The following HDAC7 variants were observed in gnomAD, a reference collection of about 807,000 sequenced individuals.
HDAC7 encodes histone deacetylase 7A.
Under a neutral mutation model 115.5 loss-of-function variants are expected in HDAC7, and 26 were observed. That is an observed-to-expected ratio of 0.23 (90% confidence interval 0.16 to 0.31). HDAC7 has a LOEUF of 0.31. Among genes scored for constraint, HDAC7 ranks in the 10% least tolerant of loss-of-function variants. HDAC7 has a pLI of 1.00. For synonymous variants in HDAC7, 564 were observed against 550.9 expected, an observed-to-expected ratio of 1.02 and a Z score of -0.33; for missense variants, 1,068 against 1,329.0, an observed-to-expected ratio of 0.80 and a Z score of 3.05.
intron 16 of HDAC7, 75 bp from the exon 17 acceptor site, chr12:47,789,995 A>C (rs1592638788): frequency 8.8e-7 from 1 of 1,141,700 alleles, no homozygotes; most frequent in Non-Finnish European, 1.3e-6. Flanking sequence ...GGTGGTCCCC[A>C]CCCCACGGCC....
intron 1 of HDAC7, among the ~76,000 whole-genome samples, chr12:47,816,891 G>A (rs1394098254): frequency 6.6e-6 from 1 of 152,196 alleles, no homozygotes; most frequent in Admixed American, 6.5e-5. Flanking sequence ...AGACGCCAAA[G>A]GGCCTTCCCC....
Position 47,798,137 on chromosome 12 carries a change from G to A in HDAC7, c.432C>T (p.Val144=), listed in dbSNP as rs775042503. The change falls in exon 5 of 26, where the codon GTC becomes GTT. Residue 144 remains valine, a synonymous_variant. Coordinates refer to ENST00000080059, the MANE Select transcript of HDAC7 (RefSeq NM_015401.5). This position sits in a 1 kb window ranked among gnomAD's most constrained non-coding sequence, Gnocchi z 4.3. ...AGGGAATGCCGGGGCTGTTGGGATG[G>A]ACTGTTCTTTCTAGGGCCGCCTGCT... is the stretch of plus-strand genomic sequence containing the variant. The part of the protein sequence containing the change: ...KKQQAALERT[V]HPNSPGIPYR... The A allele has an allele frequency of 8.1e-6, 13 of 1,613,726 alleles. No homozygotes were observed. The South Asian group carries it at 1.4e-4, about 18-fold the overall frequency.
In HDAC7 at chr12:47,791,674, C is replaced by T. The variant is rs753934459; in HGVS notation, c.1845G>A (p.Glu615=). 6.2e-7 allele frequency: 1 copy of T among 1,613,772 alleles called. No individual in the cohort carries two copies. Among genetic ancestry groups the T allele is most frequent in the Admixed American group, 1.7e-5 (1 of 59,996 alleles). ...CLRGRKASLE[E]LQSVHSERHV... ...GCCGCTCAGAGTGGACCGACTGCAG[C>T]TCTTCCAGGGAGGCCTTCCGGCCTC... is the stretch of plus-strand genomic sequence containing the variant. Residue 615 remains glutamate, a synonymous_variant, in exon 15 of 26, where the codon GAG becomes GAA. Coordinates refer to ENST00000080059, the MANE Select transcript of HDAC7 (RefSeq NM_015401.5).
At chr12:47,786,369 C>T (rs529436941) in intron 22 of HDAC7, among the ~76,000 whole-genome samples, 2 of 152,342 alleles carry the variant, frequency 1.3e-5, no homozygotes, top group East Asian at 3.9e-4. Context: ...TCAAGCCCTC[C>T]GTGGTGAACC....
chr12:47,785,161 C>T (rs781714726), intron 24 of HDAC7: 1 of 551,726 alleles, frequency 1.8e-6, no homozygotes. Context: ...CCTTGAGGGG[C>T]CACTGTCTGG....
chr12:47,819,765 A>T lies in HDAC7; in HGVS notation c.19+2T>A. On this transcript the variant is annotated splice_donor_variant, in intron 1 of 25. Transcript: ENST00000080059. LOFTEE classifies it high-confidence loss of function. The stretch of plus-strand genomic sequence containing the variant: ...GGCGGGGGGCGGCCGCCCAGTACTC[A>T]CCAGCGCCGGGGCTGTGCATCCAGG... The T allele has an allele frequency of 1.2e-6, 1 of 834,538 alleles. No homozygotes were observed. The highest frequency in any genetic ancestry group is 1.5e-6 in the Non-Finnish European group (1 of 689,546). The allele number at this position is 834,538 out of a possible 1,614,324, so 51.7% of individuals were successfully genotyped here. A position where few individuals can be genotyped will look rare whatever the true frequency, so the allele number is the denominator to read the frequency against.
At chr12:47,809,996 G>C (rs1247708134) in intron 1 of HDAC7, among the ~76,000 whole-genome samples, 1 of 151,808 alleles carries the variant, frequency 6.6e-6, no homozygotes, top group Non-Finnish European at 1.5e-5. Context: ...ACCCAGACTG[G>C]AGTGCAGTGG....
At position 47,812,356 on chromosome 12, in the gene HDAC7, C is replaced by T. The variant is rs557018604; in HGVS notation, c.19+7411G>A. Among the ~76,000 whole-genome samples the T allele has an allele frequency of 9.7e-4, 147 of 152,310 alleles. 2 individuals are homozygous for T. The highest frequency in any genetic ancestry group is 3.4e-3 in the Middle Eastern group (1 of 294). ...GGGGCTAGGCCCAGTTTCTGTTCTT[C>T]GTGTCTGCAACATTCCCTATCCCTG... On this transcript the variant is annotated intron_variant, in intron 1 of 25. Transcript: ENST00000080059.
In HDAC7 at chr12:47,795,598, G is replaced by T. The variant is rs112256258; in HGVS notation, c.1076C>A (p.Pro359Gln). ...AGCAGCAGACTCACCAGTCAGCAGC[G>T]GGGCATGAGAGCCTGAGGGGTCCAG... ...LLLDPSGSHAPLLTVPGLGPL... is the reference protein window; with the variant it reads ...LLLDPSGSHAQLLTVPGLGPL... The change falls in exon 10 of 26, where the codon CCG becomes CAG. Residue 359 changes from proline (P) to glutamine (Q), a missense_variant. Around this residue, in one of 6 missense-constraint regions of HDAC7, gnomAD observed 618 missense variants for 701.5 expected, o/e 0.88. Coordinates refer to ENST00000080059, the MANE Select transcript of HDAC7 (RefSeq NM_015401.5). The surrounding 1 kb of genome is among the most constrained non-coding windows in gnomAD (Gnocchi z 4.3). The T allele has an allele frequency of 1.0e-3, 1,638 of 1,561,118 alleles. 7 individuals carry two copies. In the African/African-American group the frequency reaches 0.019, roughly 18 times the overall value.
At chr12:47,784,930 A>T (rs1276802048) in intron 24 of HDAC7, 4 of 651,498 alleles carry the variant, frequency 6.1e-6, no homozygotes, top group Non-Finnish European at 1.0e-5. Flanking sequence ...TTGACATAAG[A>T]TGCTCAATAG....
chr12:47,795,040 G>A lies in HDAC7; in HGVS notation c.1285-107C>T. ...CAGTCATCTTGCTAGGACTCCAGCT[G>A]CCATGCAGCTCTGGGCCCCAAGAAG... On this transcript the variant is annotated intron_variant, in intron 11 of 25. Transcript: ENST00000080059. This position sits in a 1 kb window ranked among gnomAD's most constrained non-coding sequence, Gnocchi z 4.3. 1.5e-6 allele frequency: 2 copies of A among 1,353,818 alleles called. No individual in the cohort carries two copies. The highest frequency in any genetic ancestry group is 2.3e-5 in the East Asian group (1 of 43,268). The allele number at this position is 1,353,818 out of a possible 1,614,324, so 83.9% of individuals were successfully genotyped here.
At chr12:47,785,245 G>C in intron 24 of HDAC7, 142 bp downstream of exon 24, 1 of 706,868 alleles carries the variant, frequency 1.4e-6, no homozygotes, top group South Asian at 1.8e-5. Context: ...TTGCTGCCTG[G>C]GTCACTCACA....
In HDAC7 at chr12:47,797,202, C is replaced by T. The variant is rs12820931; in HGVS notation, c.578-60G>A. 127,596 of 1,558,766 alleles carry T rather than the reference C, an allele frequency of 0.082. 6,113 individuals are homozygous for T. Among genetic ancestry groups the T allele is most frequent in the African/African-American group, 0.21 (15,179 of 73,434 alleles). On this transcript the variant is annotated intron_variant, in intron 6 of 25. Transcript: ENST00000080059. The surrounding 1 kb of genome is among the most constrained non-coding windows in gnomAD (Gnocchi z 5.5). ...CACCCTTCTTTTTTCCACCCTTTAA[C>T]CCCTCAGTCCCAGTCATCTCTATCG... is the stretch of plus-strand genomic sequence containing the variant.
chr12:47,810,808 C>A (rs1296089717), intron 1 of HDAC7, among the ~76,000 whole-genome samples: 1 of 54,476 alleles, frequency 1.8e-5, no homozygotes, highest in Non-Finnish European at 4.0e-5. Context: ...GAAAAGGTCT[C>A]TCTCTCTCTC....
intron 1 of HDAC7, among the ~76,000 whole-genome samples, chr12:47,806,514 T>C (rs1944410788): frequency 6.6e-6 from 1 of 151,956 alleles, no homozygotes; most frequent in African/African-American, 2.4e-5. Context: ...CATGGTGAAA[T>C]CCCATCTCTA....
At chr12:47,802,091 G>A (rs980110001) in intron 2 of HDAC7, 133 bp downstream of exon 2, 87 of 949,596 alleles carry the variant, frequency 9.2e-5, no homozygotes, top group East Asian at 6.1e-4. Context: ...CCCTGGAGCC[G>A]CCACCTCCTG....
intron 2 of HDAC7, among the ~76,000 whole-genome samples, chr12:47,800,733 C>T (rs1944126651): frequency 6.6e-6 from 1 of 152,250 alleles, no homozygotes; most frequent in African/African-American, 2.4e-5. Flanking sequence ...GGCCAGCGAC[C>T]TGGACCCAAG....
intron 22 of HDAC7, among the ~76,000 whole-genome samples, chr12:47,786,232 T>G (rs533335663): frequency 6.6e-6 from 1 of 152,280 alleles, no homozygotes; most frequent in South Asian, 2.1e-4. Flanking sequence ...ATTCTGAGAG[T>G]GCTGCTTCTC....
intron 2 of HDAC7, among the ~76,000 whole-genome samples, chr12:47,801,220 A>G (rs2137003726): frequency 6.6e-6 from 1 of 152,250 alleles, no homozygotes. Context: ...GGCAGGTACC[A>G]TGTCTGAGTT....
Sources: gnomAD v4.1 joint callset for allele counts (sites outside exome capture counted in the v4.1 genomes callset) on GRCh38, gnomAD v4.1.1 for gene constraint, gnomAD v4.1.1 regional missense constraint, Gnocchi (gnomAD v3.1) non-coding constraint, MANE v1.5 for transcripts, NCBI Gene and HGNC (gene_info 2026-07-23, HGNC 2026-07-21) for gene names.